Variants in ADAMTSL1 observed in about 807,000 individuals in gnomAD.
ADAMTSL1 encodes the protein ADAMTS-like protein 1.
A neutral mutation model predicts 201.8 loss-of-function variants in ADAMTSL1; 126 were observed. That is an observed-to-expected ratio of 0.62 (90% CI 0.54 to 0.72). ADAMTSL1 has a LOEUF of 0.72. Among genes scored for constraint, ADAMTSL1 ranks in the 30% least tolerant of loss-of-function variants. The pLI, the probability that ADAMTSL1 is intolerant of heterozygous loss-of-function variation, is 0.00. For synonymous variants in ADAMTSL1, 1,121 were observed against 903.4 expected (o/e 1.24, Z -4.32); for missense variants, 2,679 against 2,277.8 (o/e 1.18, Z -3.59).
intron 3 of ADAMTSL1, among the ~76,000 whole-genome samples, chr9:18,569,458 C>T (rs1822157777): frequency 6.6e-6 from 1 of 151,982 alleles, no homozygotes; most frequent in Admixed American, 6.6e-5. Flanking sequence ...AAGCCTTAGC[C>T]CAGTAACATG....
intron 2 of ADAMTSL1, among the ~76,000 whole-genome samples, chr9:18,423,838 G>T (rs544693814): frequency 2.9e-4 from 44 of 152,242 alleles, no homozygotes; most frequent in African/African-American, 1.0e-3. Flanking sequence ...AAAATAATTT[G>T]GAGATTTAAA....
chr9:17,955,639 T>A (rs1827900078), intron 1 of ADAMTSL1, among the ~76,000 whole-genome samples: 1 of 152,166 alleles, frequency 6.6e-6, no homozygotes, highest in African/African-American at 2.4e-5. Context: ...CATAAATCCT[T>A]CCATTGTCCT....
At chr9:18,394,104 C>T (rs1020297765) in intron 2 of ADAMTSL1, among the ~76,000 whole-genome samples, 7 of 152,102 alleles carry the variant, frequency 4.6e-5, no homozygotes, top group Non-Finnish European at 7.4e-5. Flanking sequence ...GATGGTTACG[C>T]AGCGAAAGCA....
chr9:18,273,986 C>T (rs34154171), intron 2 of ADAMTSL1, among the ~76,000 whole-genome samples: 7,758 of 152,234 alleles, frequency 0.051, 259 homozygotes, highest in Non-Finnish European at 0.074. Context: ...TGCTGCTGTC[C>T]TGTGTGCATA....
chr9:18,237,979 C>G (rs1830913973), intron 2 of ADAMTSL1, among the ~76,000 whole-genome samples: 1 of 152,230 alleles, frequency 6.6e-6, no homozygotes, highest in Non-Finnish European at 1.5e-5. Flanking sequence ...TGCCATTGCT[C>G]ACACTGCTTT....
intron 2 of ADAMTSL1, among the ~76,000 whole-genome samples, chr9:18,232,135 C>A (rs552901822): frequency 6.6e-6 from 1 of 152,132 alleles, no homozygotes; most frequent in Non-Finnish European, 1.5e-5. Context: ...CTCCTATTTA[C>A]GCACTGACCT....
intron 1 of ADAMTSL1, among the ~76,000 whole-genome samples, chr9:18,035,700 A>G (rs1821165591): frequency 6.6e-6 from 1 of 152,004 alleles, no homozygotes; most frequent in African/African-American, 2.4e-5. Context: ...TTCATGGTTT[A>G]CTTGTTTATT....
rs76101324 is a variant in ADAMTSL1, at chr9:18,550,352, G to A, written c.237+17060G>A. Reference sequence around the variant, plus strand: ...TCACACAGACTCCTAAAAGCAGAGCGCTTTCCTCAGCTGGAGGCAGAAATG... The same window carrying A: ...TCACACAGACTCCTAAAAGCAGAGCACTTTCCTCAGCTGGAGGCAGAAATG... On this transcript the variant is annotated intron_variant, in intron 3 of 28. Transcript: ENST00000380548. Among the ~76,000 whole-genome samples, 1,516 of 151,966 alleles carry A rather than the reference G, an allele frequency of 1.0e-2. 13 individuals carry two copies. The highest frequency in any genetic ancestry group is 0.044 in the East Asian group (227 of 5,150).
rs1187589005 is a variant in ADAMTSL1, at chr9:18,723,260, T to C, written c.2006+1595T>C. On this transcript the variant is annotated intron_variant, in intron 15 of 28. Coordinates refer to ENST00000380548, the MANE Select transcript of ADAMTSL1 (RefSeq NM_001040272.6). ...AGCATTAAACAGCTACTCCTGCTGC[T>C]GTGTGCTAATCATTCCTGTAATTTC... The C allele has an allele frequency of 1.3e-5, 8 of 613,962 alleles. No homozygotes were observed. In the East Asian group the frequency reaches 1.9e-4, roughly 15 times the overall value. 38.0% of individuals were successfully genotyped at this position (613,962 alleles called of 1,614,324 possible). A position where few individuals can be genotyped will look rare whatever the true frequency, so the allele number is the denominator to read the frequency against.
intron 2 of ADAMTSL1, among the ~76,000 whole-genome samples, chr9:18,316,413 C>T (rs1023816625): frequency 3.9e-5 from 6 of 151,994 alleles, no homozygotes; most frequent in Admixed American, 6.6e-5. Flanking sequence ...CCATAAGAGA[C>T]GGGCACACCT....
chr9:18,169,407 G>A, intron 2 of ADAMTSL1, among the ~76,000 whole-genome samples: 1 of 151,952 alleles, frequency 6.6e-6, no homozygotes, highest in Non-Finnish European at 1.5e-5. Context: ...TCTTGTTTTT[G>A]TCAGGTTTGC....
Position 18,657,660 on chromosome 9 carries a change from G to A in ADAMTSL1, c.856G>A (p.Asp286Asn), listed in dbSNP as rs760606499. 2 of 1,614,046 alleles carry A rather than the reference G, an allele frequency of 1.2e-6. No individual in the cohort carries two copies. Among genetic ancestry groups the A allele is most frequent in the African/African-American group, 1.3e-5 (1 of 74,934 alleles). Residue 286 changes from aspartate (D) to asparagine (N), a missense_variant, in exon 8 of 29, where the codon GAC becomes AAC. Asp to Asn is a conservative substitution (Grantham distance 23, BLOSUM62 1). Coordinates refer to ENST00000380548, the MANE Select transcript of ADAMTSL1 (RefSeq NM_001040272.6). ...GCAGATTCGTAACTCGGGCTCCGCTGACAGTACAGTCCAGTTCATCTTCTA... is the reference window on the plus strand; with the variant it reads ...GCAGATTCGTAACTCGGGCTCCGCTAACAGTACAGTCCAGTTCATCTTCTA... ...IVKIRNSGSA[D>N]STVQFIFYQP...
chr9:18,008,418 G>A (rs537019954), intron 1 of ADAMTSL1, among the ~76,000 whole-genome samples: 31 of 151,938 alleles, frequency 2.0e-4, no homozygotes, highest in Non-Finnish European at 1.6e-4. Context: ...CCAAGGCTTT[G>A]AGGCCCTGCG....
chr9:18,273,817 A>G (rs1832480258), intron 2 of ADAMTSL1, among the ~76,000 whole-genome samples: 1 of 152,194 alleles, frequency 6.6e-6, no homozygotes, highest in Admixed American at 6.5e-5. Flanking sequence ...CTTATTACCT[A>G]ATTCTGAGTG....
chr9:18,429,005 A>C (rs1283457801), intron 2 of ADAMTSL1, among the ~76,000 whole-genome samples: 2 of 152,200 alleles, frequency 1.3e-5, no homozygotes, highest in African/African-American at 4.8e-5. Context: ...TATAAGTTCC[A>C]ATGATTTATC....
chr9:18,127,459 G>A (rs1329984983), intron 1 of ADAMTSL1, among the ~76,000 whole-genome samples: 1 of 144,280 alleles, frequency 6.9e-6, no homozygotes, highest in South Asian at 2.3e-4. Flanking sequence ...GTGTGGGGTG[G>A]TGCATGCATA....
At chr9:18,586,786 A>T (rs1823520461) in intron 4 of ADAMTSL1, among the ~76,000 whole-genome samples, 1 of 152,138 alleles carries the variant, frequency 6.6e-6, no homozygotes, top group Non-Finnish European at 1.5e-5. Context: ...CCCAGAAATA[A>T]GGCCACACAC....
chr9:18,177,462 T>G (rs1363409078), intron 2 of ADAMTSL1, among the ~76,000 whole-genome samples: 1 of 152,180 alleles, frequency 6.6e-6, no homozygotes, highest in Non-Finnish European at 1.5e-5. Flanking sequence ...CCCCAGACAG[T>G]GGCGTGAAAA....
Position 18,505,073 on chromosome 9 carries a change from A to G in ADAMTSL1, c.191+117A>G, listed in dbSNP as rs994371535. On this transcript the variant is annotated intron_variant, in intron 2 of 28. Transcript: ENST00000380548. ...GTGGCTTACAGATCCAGATAAAAGA[A>G]AAGAATTAAAGGAACGTACAAATAA... 5.5e-6 allele frequency: 7 copies of G among 1,271,038 alleles called. No individual in the cohort carries two copies. The East Asian group carries it at 1.1e-4, about 20-fold the overall frequency. 78.7% of individuals were successfully genotyped at this position (1,271,038 alleles called of 1,614,324 possible). A position where few individuals can be genotyped will look rare whatever the true frequency, so the allele number is the denominator to read the frequency against.
Sources: allele counts gnomAD v4.1 joint callset (sites outside exome capture counted in the v4.1 genomes callset), GRCh38; gene constraint gnomAD v4.1.1; transcripts MANE v1.5; gene names NCBI Gene and HGNC (gene_info 2026-07-23, HGNC 2026-07-21).